Variants in FARS2 observed in about 807,000 individuals in gnomAD.
FARS2 encodes the protein phenylalanyl-tRNA synthetase 2, mitochondrial.
FARS2 carries 40 observed loss-of-function variants against 46.4 expected under a neutral mutation model. That is an observed-to-expected ratio of 0.86 (90% CI 0.67 to 1.12). The LOEUF (loss-of-function observed/expected upper bound fraction) is 1.12, where lower values mean the gene tolerates loss of function less well. FARS2 is among the 50% of genes most tolerant of loss of function. The pLI, the probability that FARS2 is intolerant of heterozygous loss-of-function variation, is 0.00. For missense variants in FARS2, 513 were observed against 567.9 expected (o/e 0.90, Z 0.98); for synonymous variants, 234 against 214.9 (o/e 1.09, Z -0.78).
At chr6:5,505,618 C>G (rs1408384545) in intron 4 of FARS2, among the ~76,000 whole-genome samples, 1 of 152,224 alleles carries the variant, frequency 6.6e-6, no homozygotes, top group Non-Finnish European at 1.5e-5. Flanking sequence ...GCCATGGCTT[C>G]AGCTGATCCC....
At chr6:5,547,201 C>T (rs1013798161) in intron 5 of FARS2, among the ~76,000 whole-genome samples, 6 of 152,146 alleles carry the variant, frequency 3.9e-5, no homozygotes, top group Non-Finnish European at 8.8e-5. Flanking sequence ...ATCTGCCCAT[C>T]TTGGCCTCCC....
chr6:5,432,438 A>ATTATAAAT (rs1469621843), intron 4 of FARS2, among the ~76,000 whole-genome samples: 2 of 128,660 alleles, frequency 1.6e-5, no homozygotes, highest in Non-Finnish European at 3.2e-5. Context: ...TTATAAATAT[A>ATTATAAAT]ATATATAAAA....
intron 6 of FARS2, among the ~76,000 whole-genome samples, chr6:5,680,986 C>T (rs1582746383): frequency 6.6e-6 from 1 of 152,210 alleles, no homozygotes; most frequent in South Asian, 2.1e-4. Context: ...ATAATATCTG[C>T]TTCCGATGAG....
chr6:5,449,820 G>C (rs2150261577), intron 4 of FARS2, among the ~76,000 whole-genome samples: 1 of 152,248 alleles, frequency 6.6e-6, no homozygotes, highest in South Asian at 2.1e-4. Context: ...AAAAAGTTTT[G>C]GATTTTGGAG....
intron 1 of FARS2, among the ~76,000 whole-genome samples, chr6:5,323,107 T>C (rs967523643): frequency 3.9e-5 from 6 of 152,220 alleles, no homozygotes; most frequent in Non-Finnish European, 8.8e-5. Flanking sequence ...TAAGCATCCA[T>C]ACATTTTGAG....
intron 1 of FARS2, among the ~76,000 whole-genome samples, chr6:5,347,601 C>T (rs2552299): frequency 0.46 from 69,574 of 151,934 alleles, 18,781 homozygotes; most frequent in African/African-American, 0.76. Flanking sequence ...TTTGGGGCTG[C>T]TATGAATAAA....
chr6:5,692,932 CT>C (rs781196668), intron 6 of FARS2, among the ~76,000 whole-genome samples: 57 of 152,194 alleles, frequency 3.7e-4, no homozygotes, highest in Non-Finnish European at 7.1e-4. Context: ...TTTATCCCAC[CT>C]CCTTTTTTTC....
In FARS2 at chr6:5,762,903, C is replaced by T. The variant is rs1762554824; in HGVS notation, c.1218-8388C>T. Among the ~76,000 whole-genome samples, 5 of 152,210 alleles carry T rather than the reference C, an allele frequency of 3.3e-5. No homozygotes were observed. In the South Asian group the frequency reaches 8.3e-4, roughly 25 times the overall value. Reference sequence around the variant, plus strand: ...ACTGGCTGGGAGCTGGGGGAGGCACCGCTCAGAATGGCCCCACAGGAGCGT... The same window carrying T: ...ACTGGCTGGGAGCTGGGGGAGGCACTGCTCAGAATGGCCCCACAGGAGCGT... On this transcript the variant is annotated intron_variant, in intron 6 of 6. Transcript: ENST00000274680.
At chr6:5,686,499 A>G (rs546861174) in intron 6 of FARS2, among the ~76,000 whole-genome samples, 2 of 152,294 alleles carry the variant, frequency 1.3e-5, no homozygotes, top group South Asian at 4.1e-4. Flanking sequence ...GATGGTTTCC[A>G]GCTTCATCCA....
chr6:5,330,011 C>G (rs988421104), intron 1 of FARS2, among the ~76,000 whole-genome samples: 1 of 152,162 alleles, frequency 6.6e-6, no homozygotes, highest in African/African-American at 2.4e-5. Flanking sequence ...TTCTGGAGAC[C>G]CTTGTCCATC....
At chr6:5,414,819 T>TTC (rs909052212) in intron 3 of FARS2, among the ~76,000 whole-genome samples, 1 of 137,054 alleles carries the variant, frequency 7.3e-6, no homozygotes, top group African/African-American at 2.7e-5. Flanking sequence ...CTGTTTTTTT[T>TTC]TTTTTTTTTT....
chr6:5,514,212 A>G (rs1768646115), intron 4 of FARS2, among the ~76,000 whole-genome samples: 1 of 152,142 alleles, frequency 6.6e-6, no homozygotes, highest in Non-Finnish European at 1.5e-5. Flanking sequence ...AATGAAGCAT[A>G]AGTAATCTGC....
chr6:5,392,809 T>C (rs1760623916), intron 2 of FARS2, among the ~76,000 whole-genome samples: 1 of 146,990 alleles, frequency 6.8e-6, no homozygotes, highest in African/African-American at 2.5e-5. Flanking sequence ...TATGTATGTG[T>C]ATATATTATA....
chr6:5,730,322 C>T (rs1187277635), intron 6 of FARS2, among the ~76,000 whole-genome samples: 1 of 152,088 alleles, frequency 6.6e-6, no homozygotes, highest in Non-Finnish European at 1.5e-5. Flanking sequence ...GAGATAATTA[C>T]TGAGCAAGCT....
intron 6 of FARS2, among the ~76,000 whole-genome samples, chr6:5,734,272 G>C (rs985332485): frequency 1.6e-4 from 24 of 152,214 alleles, no homozygotes; most frequent in African/African-American, 5.8e-4. Flanking sequence ...GAGCACAAGA[G>C]CCTGCAATCC....
intron 6 of FARS2, among the ~76,000 whole-genome samples, chr6:5,622,424 A>T (rs1395319300): frequency 1.3e-5 from 2 of 152,236 alleles, no homozygotes; most frequent in Admixed American, 1.3e-4. Flanking sequence ...AGTAAGTGCT[A>T]TGGTTTGAAT....
intron 6 of FARS2, among the ~76,000 whole-genome samples, chr6:5,637,814 ATG>A (rs1166895561): frequency 6.6e-6 from 1 of 152,094 alleles, no homozygotes; most frequent in South Asian, 2.1e-4. Flanking sequence ...CCCGCTCCGT[ATG>A]TGTCTGTGTC....
intron 5 of FARS2, among the ~76,000 whole-genome samples, chr6:5,555,609 C>G (rs1253308840): frequency 6.6e-6 from 1 of 152,094 alleles, no homozygotes; most frequent in Non-Finnish European, 1.5e-5. Flanking sequence ...TGCAGTGTTT[C>G]CTCATTCTAT....
chr6:5,267,485 T>C (rs750966659), intron 1 of FARS2, among the ~76,000 whole-genome samples: 9 of 152,084 alleles, frequency 5.9e-5, no homozygotes, highest in Middle Eastern at 3.2e-3. Context: ...GCGTGGTGGC[T>C]CACACCTGTA....
Sources: gnomAD v4.1 joint callset for allele counts (sites outside exome capture counted in the v4.1 genomes callset) on GRCh38, gnomAD v4.1.1 for gene constraint, MANE v1.5 for transcripts, NCBI Gene and HGNC (gene_info 2026-07-23, HGNC 2026-07-21) for gene names.